CDH6: variants seen among roughly 807,000 people sequenced by gnomAD.
CDH6 encodes the protein cadherin 6.
CDH6 carries 31 observed loss-of-function variants against 78.0 expected under a neutral mutation model. The ratio of observed to expected loss-of-function variants is 0.40; its 90% CI spans 0.30 to 0.54. The LOEUF is 0.54. Ranked by LOEUF, CDH6 falls within the 20% of genes least tolerant of loss-of-function variation. The pLI is 0.56. For synonymous variants in CDH6, 376 were observed against 368.8 expected (o/e 1.02, Z -0.23); for missense variants, 724 against 975.9 (o/e 0.74, Z 3.44).
intron 1 of CDH6, among the ~76,000 whole-genome samples, chr5:31,263,154 C>T (rs112371780): frequency 1.4e-3 from 212 of 151,962 alleles, no homozygotes; most frequent in African/African-American, 4.7e-3. Context: ...AGTGCAAGGT[C>T]GAGGTGCCAC....
At chr5:31,211,056 C>A (rs1740691474) in intron 1 of CDH6, among the ~76,000 whole-genome samples, 1 of 152,178 alleles carries the variant, frequency 6.6e-6, no homozygotes, top group Non-Finnish European at 1.5e-5. Flanking sequence ...CTGTTCCTAT[C>A]TTTTATTTTA....
At chr5:31,229,283 GCTAACAGAC>G (rs1741247980) in intron 1 of CDH6, among the ~76,000 whole-genome samples, 1 of 152,214 alleles carries the variant, frequency 6.6e-6, no homozygotes, top group Non-Finnish European at 1.5e-5. Flanking sequence ...TACTACCCTG[GCTAACAGAC>G]CTCTTGTTAT....
chr5:31,245,768 A>G (rs1741728615), intron 1 of CDH6, among the ~76,000 whole-genome samples: 1 of 152,116 alleles, frequency 6.6e-6, no homozygotes, highest in African/African-American at 2.4e-5. Flanking sequence ...TTCTCACTTA[A>G]TCTAAAAGTT....
intron 7 of CDH6, among the ~76,000 whole-genome samples, chr5:31,312,851 GGC>G (rs1242331555): frequency 2.0e-5 from 3 of 151,540 alleles, no homozygotes; most frequent in Non-Finnish European, 2.9e-5. Flanking sequence ...CACTAACCTT[GGC>G]CACACTAGCC....
intron 3 of CDH6, among the ~76,000 whole-genome samples, chr5:31,297,027 A>C (rs1737628824): frequency 6.6e-6 from 1 of 152,142 alleles, no homozygotes; most frequent in South Asian, 2.1e-4. Flanking sequence ...AAATCCCGCC[A>C]TTGGAGATGG....
At chr5:31,199,689 A>G (rs183547215) in intron 1 of CDH6, among the ~76,000 whole-genome samples, 2,240 of 82,022 alleles carry the variant, frequency 0.027, 33 homozygotes, top group African/African-American at 0.054. Context: ...GTGTGTGTAT[A>G]TATATATATA....
At chr5:31,278,942 T>G (rs1015608680) in intron 2 of CDH6, among the ~76,000 whole-genome samples, 2 of 152,204 alleles carry the variant, frequency 1.3e-5, no homozygotes, top group African/African-American at 4.8e-5. Flanking sequence ...TTTCATAAAT[T>G]GTGAAACATA....
At chr5:31,239,738 A>G (rs1309062583) in intron 1 of CDH6, among the ~76,000 whole-genome samples, 4 of 152,208 alleles carry the variant, frequency 2.6e-5, no homozygotes, top group African/African-American at 9.6e-5. Context: ...AGGCAAAGGC[A>G]TAGCATTCAT....
intron 4 of CDH6, among the ~76,000 whole-genome samples, chr5:31,299,208 T>C (rs754703698): frequency 4.6e-5 from 7 of 152,184 alleles, no homozygotes; most frequent in Non-Finnish European, 1.0e-4. Context: ...CTTAATAGTC[T>C]ATACTATTGC....
intron 1 of CDH6, chr5:31,250,226 C>T (rs569600779): frequency 5.3e-5 from 8 of 152,330 alleles, no homozygotes; most frequent in African/African-American, 9.6e-5. Context: ...GCAGAAGGCC[C>T]CAAGTCGGAG....
intron 1 of CDH6, among the ~76,000 whole-genome samples, chr5:31,229,243 C>T (rs993221061): frequency 1.3e-5 from 2 of 152,232 alleles, no homozygotes; most frequent in Non-Finnish European, 2.9e-5. Context: ...AGACTGCAAG[C>T]CTACTGGTTT....
At chr5:31,292,695 C>G (rs2149946550) in intron 2 of CDH6, among the ~76,000 whole-genome samples, 1 of 151,708 alleles carries the variant, frequency 6.6e-6, no homozygotes, top group South Asian at 2.1e-4. Context: ...ATAAAAAGCA[C>G]TTTTCGAAAA....
At position 31,325,584 on chromosome 5, in the gene CDH6, T is replaced by C. The variant is rs1738608328; in HGVS notation, c.*2276T>C. 1 of 230,782 alleles carries C rather than the reference T, an allele frequency of 4.3e-6. No homozygotes were observed. Among genetic ancestry groups the C allele is most frequent in the East Asian group, 6.2e-5 (1 of 16,210 alleles). 14.3% of individuals were successfully genotyped at this position (230,782 alleles called of 1,614,324 possible). A position where few individuals can be genotyped will look rare whatever the true frequency, so the allele number is the denominator to read the frequency against. On this transcript the variant is annotated 3_prime_UTR_variant, in exon 12 of 12. Coordinates refer to ENST00000265071, the MANE Select transcript of CDH6 (RefSeq NM_004932.4). ...GAAGATAGTCCTGTAAAAAGAAAGGTATCATCTGAAGTTGAGGATTGACAC... is the reference window on the plus strand; with the variant it reads ...GAAGATAGTCCTGTAAAAAGAAAGGCATCATCTGAAGTTGAGGATTGACAC...
rs3805526 is a variant in CDH6 at position 31,325,457 on chromosome 5, C to G, written c.*2149C>G. 1,380 of 231,248 alleles carry G rather than the reference C, an allele frequency of 6.0e-3. 23 individuals carry two copies. The highest frequency in any genetic ancestry group is 0.048 in the East Asian group (781 of 16,272). 14.3% of individuals were successfully genotyped at this position (231,248 alleles called of 1,614,324 possible). A position where few individuals can be genotyped will look rare whatever the true frequency, so the allele number is the denominator to read the frequency against. On this transcript the variant is annotated 3_prime_UTR_variant, in exon 12 of 12. Transcript: ENST00000265071. ...AAAAGCTTAGTAAAGTTAGAAGCTA[C>G]TTACTCATAGCAATAGAACAGCACC...
At chr5:31,305,560 C>A in intron 7 of CDH6, 133 bp downstream of exon 7, 1 of 867,010 alleles carries the variant, frequency 1.2e-6, no homozygotes, top group Non-Finnish European at 1.8e-6. Context: ...AAAAACTATT[C>A]TAAACAGCAC....
At chr5:31,315,358 T>G (rs1738288750) in intron 8 of CDH6, among the ~76,000 whole-genome samples, 1 of 152,196 alleles carries the variant, frequency 6.6e-6, no homozygotes, top group African/African-American at 2.4e-5. Flanking sequence ...AGGTATTAGA[T>G]GCTCACTAAA....
chr5:31,310,810 C>T (rs62350375), intron 7 of CDH6, among the ~76,000 whole-genome samples: 7,043 of 152,312 alleles, frequency 0.046, 208 homozygotes, highest in South Asian at 0.1. Flanking sequence ...ATAGCCACAG[C>T]TCGGGCTGGA....
intron 1 of CDH6, among the ~76,000 whole-genome samples, chr5:31,264,096 A>G (rs532019304): frequency 4.6e-5 from 7 of 152,172 alleles, no homozygotes; most frequent in South Asian, 2.1e-4. Flanking sequence ...CTATACCACT[A>G]CTGTTAAATG....
chr5:31,322,064 C>G (rs956259018), intron 11 of CDH6, among the ~76,000 whole-genome samples: 1 of 152,056 alleles, frequency 6.6e-6, no homozygotes, highest in Non-Finnish European at 1.5e-5. Context: ...TTCTCAGTAA[C>G]AAACTTATAG....
Sources: gnomAD v4.1 joint callset for allele counts (sites outside exome capture counted in the v4.1 genomes callset) on GRCh38, gnomAD v4.1.1 for gene constraint, MANE v1.5 for transcripts, NCBI Gene and HGNC (gene_info 2026-07-23, HGNC 2026-07-21) for gene names.